GREB1L: variants seen among roughly 807,000 people sequenced by gnomAD.
GREB1L encodes GREB1-like protein.
In GREB1L, 17 loss-of-function variants were observed where a neutral mutation model predicts 200.8. The observed-to-expected ratio is 0.08, with a 90% confidence interval of 0.06 to 0.13. The LOEUF is 0.13. Among genes scored for constraint, GREB1L ranks in the 10% least tolerant of loss-of-function variants. The pLI is 1.00. For synonymous variants in GREB1L, 789 were observed against 893.0 expected (o/e 0.88, Z 2.08); for missense variants, 1,657 against 2,367.7 (o/e 0.70, Z 6.23).
chr18:21,463,768 C>T (rs1466229831), intron 15 of GREB1L, among the ~76,000 whole-genome samples: 1 of 152,142 alleles, frequency 6.6e-6, no homozygotes, highest in Non-Finnish European at 1.5e-5. Context: ...CAAGATCTCA[C>T]CACGTTGCTC....
At chr18:21,447,433 T>A (rs1054011263) in intron 11 of GREB1L, among the ~76,000 whole-genome samples, 2 of 152,248 alleles carry the variant, frequency 1.3e-5, no homozygotes, top group Non-Finnish European at 2.9e-5. Flanking sequence ...GATTCCTAAT[T>A]GTACATCAGT....
chr18:21,430,745 C>A (rs553611980), intron 7 of GREB1L, among the ~76,000 whole-genome samples: 5 of 151,144 alleles, frequency 3.3e-5, no homozygotes, highest in Admixed American at 3.3e-4. Context: ...TACAGGCATG[C>A]GCCACCACAC....
intron 7 of GREB1L, among the ~76,000 whole-genome samples, chr18:21,436,246 CT>C (rs1352412290): frequency 6.6e-6 from 1 of 152,104 alleles, no homozygotes; most frequent in Non-Finnish European, 1.5e-5. Flanking sequence ...TAATTCAGGA[CT>C]GATGGTATAG....
intron 1 of GREB1L, among the ~76,000 whole-genome samples, chr18:21,325,894 A>G (rs1339900585): frequency 6.6e-6 from 1 of 151,666 alleles, no homozygotes; most frequent in East Asian, 1.9e-4. Flanking sequence ...TTCTCTTTAT[A>G]ATCTCTATGA....
chr18:21,389,538 T>C (rs2040706939), intron 4 of GREB1L, among the ~76,000 whole-genome samples: 1 of 152,262 alleles, frequency 6.6e-6, no homozygotes, highest in Non-Finnish European at 1.5e-5. Flanking sequence ...AAACTATTTG[T>C]GTGGATTGTG....
intron 17 of GREB1L, among the ~76,000 whole-genome samples, chr18:21,484,179 ATT>A (rs796268088): frequency 1.4e-5 from 2 of 141,312 alleles, no homozygotes; most frequent in Non-Finnish European, 1.5e-5. Context: ...TATATATATA[ATT>A]TTTTTTTTTT....
intron 5 of GREB1L, among the ~76,000 whole-genome samples, chr18:21,395,994 A>G (rs1214159745): frequency 6.6e-6 from 1 of 150,794 alleles, no homozygotes; most frequent in East Asian, 1.9e-4. Flanking sequence ...ACCCAAAGTG[A>G]TGGGATTACA....
chr18:21,309,175 A>G (rs1598647588), intron 1 of GREB1L, among the ~76,000 whole-genome samples: 1 of 152,220 alleles, frequency 6.6e-6, no homozygotes, highest in East Asian at 1.9e-4. Flanking sequence ...TTTCTTCACT[A>G]TAGGGCAACT....
At chr18:21,495,099 ATTC>A in intron 19 of GREB1L, among the ~76,000 whole-genome samples, 1 of 152,160 alleles carries the variant, frequency 6.6e-6, no homozygotes, top group East Asian at 1.9e-4. Flanking sequence ...CTTGAGAGAG[ATTC>A]TTTCAAGGCC....
At chr18:21,479,860 C>T (rs1197660363) in intron 17 of GREB1L, among the ~76,000 whole-genome samples, 1 of 152,092 alleles carries the variant, frequency 6.6e-6, no homozygotes, top group Non-Finnish European at 1.5e-5. Context: ...CCCACCTCAC[C>T]CTCCCAAGTA....
At chr18:21,396,677 C>G (rs1344386578) in intron 5 of GREB1L, among the ~76,000 whole-genome samples, 3 of 152,062 alleles carry the variant, frequency 2.0e-5, no homozygotes, top group Non-Finnish European at 4.4e-5. Flanking sequence ...ATAACTAGGA[C>G]TATGTATCTT....
At chr18:21,298,372 G>A (rs2038563379) in intron 1 of GREB1L, among the ~76,000 whole-genome samples, 1 of 152,136 alleles carries the variant, frequency 6.6e-6, no homozygotes, top group Non-Finnish European at 1.5e-5. Context: ...AAAAGTAACT[G>A]TGGTATCTAC....
At chr18:21,263,287 T>C (rs914282438) in intron 1 of GREB1L, among the ~76,000 whole-genome samples, 1 of 152,228 alleles carries the variant, frequency 6.6e-6, no homozygotes, top group African/African-American at 2.4e-5. Context: ...CAGACTCATA[T>C]TGAAGGGTTT....
chr18:21,279,717 A>G (rs954841961), intron 1 of GREB1L, among the ~76,000 whole-genome samples: 1 of 152,092 alleles, frequency 6.6e-6, no homozygotes, highest in African/African-American at 2.4e-5. Context: ...AGGATCGATC[A>G]TCACGCACCA....
intron 1 of GREB1L, among the ~76,000 whole-genome samples, chr18:21,296,076 G>A (rs2038522719): frequency 6.6e-6 from 1 of 152,182 alleles, no homozygotes; most frequent in African/African-American, 2.4e-5. Flanking sequence ...CCATTACTGA[G>A]TGTATACCCA....
chr18:21,293,136 G>A (rs2038476395), intron 1 of GREB1L, among the ~76,000 whole-genome samples: 1 of 152,192 alleles, frequency 6.6e-6, no homozygotes, highest in African/African-American at 2.4e-5. Flanking sequence ...CACAAAATGA[G>A]TGATTTTGCA....
chr18:21,275,705 T>G (rs1221540657), intron 1 of GREB1L, among the ~76,000 whole-genome samples: 1 of 152,178 alleles, frequency 6.6e-6, no homozygotes, highest in African/African-American at 2.4e-5. Flanking sequence ...TTCCAATCAA[T>G]TTTAAAAGAA....
At chr18:21,358,621 CACTT>C (rs1200502568) in intron 1 of GREB1L, among the ~76,000 whole-genome samples, 6 of 152,224 alleles carry the variant, frequency 3.9e-5, no homozygotes, top group Admixed American at 3.9e-4. Flanking sequence ...AGCCTGTTCT[CACTT>C]ATAAGTGTCA....
At position 21,256,385 on chromosome 18, in the gene GREB1L, G is replaced by A. The variant is rs187695343; in HGVS notation, c.-120+13992G>A. On this transcript the variant is annotated intron_variant, in intron 1 of 32. Transcript: ENST00000424526. ...TAGGTGTACATTTTCACAAGTTGGAGCACAGTGAATGATCAAGGTGGAATA... is the reference window on the plus strand; with the variant it reads ...TAGGTGTACATTTTCACAAGTTGGAACACAGTGAATGATCAAGGTGGAATA... Among the ~76,000 whole-genome samples, 11 of 152,286 alleles carry A rather than the reference G, an allele frequency of 7.2e-5. No homozygotes were observed. The East Asian group carries it at 1.9e-3, about 27-fold the overall frequency.
Sources: allele counts gnomAD v4.1 joint callset (sites outside exome capture counted in the v4.1 genomes callset), GRCh38; gene constraint gnomAD v4.1.1; transcripts MANE v1.5; gene names NCBI Gene and HGNC (gene_info 2026-07-23, HGNC 2026-07-21).